The following NIBAN1 variants were observed in gnomAD, a reference collection of about 807,000 sequenced individuals.
The protein encoded by NIBAN1 is niban apoptosis regulator 1, also known as protein Niban 1.
NIBAN1 carries 81 observed loss-of-function variants against 75.1 expected under a neutral mutation model. That is an observed-to-expected ratio of 1.08 (90% CI 0.90 to 1.30). NIBAN1 has a LOEUF of 1.30. NIBAN1 is among the 50% of genes most tolerant of loss of function. NIBAN1 has a pLI of 0.00. For missense variants in NIBAN1, 1,133 were observed against 1,128.1 expected, an observed-to-expected ratio of 1.00 and a Z score of -0.06; for synonymous variants, 436 against 424.8, an observed-to-expected ratio of 1.03 and a Z score of -0.32.
intron 1 of NIBAN1, among the ~76,000 whole-genome samples, chr1:184,900,018 G>A (rs750936723): frequency 6.6e-6 from 1 of 151,902 alleles, no homozygotes; most frequent in Non-Finnish European, 1.5e-5. Context: ...GTTTCTCCAT[G>A]TTGGTCAGGC....
intron 5 of NIBAN1, among the ~76,000 whole-genome samples, chr1:184,874,344 C>A (rs1656181091): frequency 1.3e-5 from 2 of 151,748 alleles, no homozygotes; most frequent in Non-Finnish European, 2.9e-5. Context: ...TGTAAAAAAA[C>A]TAAATGCTCA....
At chr1:184,896,507 G>T (rs1656804648) in intron 2 of NIBAN1, among the ~76,000 whole-genome samples, 1 of 152,000 alleles carries the variant, frequency 6.6e-6, no homozygotes, top group South Asian at 2.1e-4. Context: ...TGTTTATTTT[G>T]TTGACTATTT....
At chr1:184,818,585 A>G in intron 9 of NIBAN1, 53 bp downstream of exon 9, 1 of 1,470,268 alleles carries the variant, frequency 6.8e-7, no homozygotes, top group African/African-American at 1.4e-5. Flanking sequence ...AGCCCCATGG[A>G]AAACACAGCC....
intron 5 of NIBAN1, among the ~76,000 whole-genome samples, chr1:184,874,963 G>A (rs1010532678): frequency 1.6e-4 from 24 of 151,974 alleles, no homozygotes; most frequent in Non-Finnish European, 2.4e-4. Context: ...TTTAAAGGAC[G>A]ATATCATACA....
intron 1 of NIBAN1, among the ~76,000 whole-genome samples, chr1:184,947,990 T>C (rs747067356): frequency 2.0e-4 from 30 of 152,114 alleles, no homozygotes; most frequent in Non-Finnish European, 2.9e-4. Context: ...CCTTAAACTA[T>C]AAGACATACA....
At chr1:184,964,549 G>C (rs1658729846) in intron 1 of NIBAN1, among the ~76,000 whole-genome samples, 1 of 152,190 alleles carries the variant, frequency 6.6e-6, no homozygotes, top group African/African-American at 2.4e-5. Context: ...AACCTTGATT[G>C]CTTCTTCTGT....
chr1:184,921,426 C>T (rs1380681349), intron 1 of NIBAN1, among the ~76,000 whole-genome samples: 1 of 152,118 alleles, frequency 6.6e-6, no homozygotes, highest in Non-Finnish European at 1.5e-5. Flanking sequence ...ACAGAACCAG[C>T]TGAGCAGAGA....
intron 5 of NIBAN1, among the ~76,000 whole-genome samples, chr1:184,879,108 G>T (rs1031073620): frequency 1.2e-4 from 19 of 152,244 alleles, no homozygotes; most frequent in Admixed American, 1.0e-3. Context: ...AATTTTGCTT[G>T]GGATATTCCT....
In NIBAN1 at chr1:184,890,335, T is replaced by C. The variant is rs1420564986; in HGVS notation, c.319-113A>G. 2.3e-5 allele frequency: 17 copies of C among 728,268 alleles called. No homozygotes were observed. The East Asian group carries it at 4.2e-4, about 18-fold the overall frequency. 45.1% of individuals were successfully genotyped at this position (728,268 alleles called of 1,614,324 possible). ...AGACATTCAGAGATAGCAATCCCCA[T>C]ACTATGTTATTGAGTTATAGTCATT... On this transcript the variant is annotated intron_variant, in intron 3 of 13. Coordinates refer to ENST00000367511, the MANE Select transcript of NIBAN1 (RefSeq NM_052966.4).
At chr1:184,877,415 G>A (rs1303145403) in intron 5 of NIBAN1, among the ~76,000 whole-genome samples, 2 of 152,128 alleles carry the variant, frequency 1.3e-5, no homozygotes, top group East Asian at 1.9e-4. Context: ...CAGAGGTAAC[G>A]ATAACGTTCT....
intron 5 of NIBAN1, among the ~76,000 whole-genome samples, chr1:184,877,911 AT>A (rs755903297): frequency 2.6e-3 from 372 of 143,426 alleles, no homozygotes; most frequent in East Asian, 7.0e-3. Context: ...GAACAAAACA[AT>A]TTTTTTTTTT....
chr1:184,865,604 T>TG (rs1312902732), intron 5 of NIBAN1, among the ~76,000 whole-genome samples: 2 of 151,916 alleles, frequency 1.3e-5, no homozygotes, highest in Non-Finnish European at 2.9e-5. Context: ...TAAAACAAGC[T>TG]GAAAAAAAAT....
chr1:184,897,920 C>T (rs1403732542), intron 2 of NIBAN1, among the ~76,000 whole-genome samples: 1 of 152,232 alleles, frequency 6.6e-6, no homozygotes, highest in African/African-American at 2.4e-5. Flanking sequence ...TCAGATGCTA[C>T]AGTATCCTGC....
chr1:184,879,394 G>T (rs1656317271), intron 5 of NIBAN1, among the ~76,000 whole-genome samples: 1 of 152,062 alleles, frequency 6.6e-6, no homozygotes, highest in Non-Finnish European at 1.5e-5. Context: ...ACATAAGCAT[G>T]TGCCACAAAA....
In NIBAN1 at chr1:184,974,298, G is replaced by A; in HGVS notation, c.55+4C>T. ...TCCCCAGGCCCCCGGGCGGGCGGGC[G>A]TACCTCGGATGTAAGCGCACTTGCC... On this transcript the variant is annotated splice_donor_region_variant and intron_variant, in intron 1 of 13. Transcript: ENST00000367511. The A allele has an allele frequency of 3.8e-6, 6 of 1,558,854 alleles. No individual in the cohort carries two copies. The highest frequency in any genetic ancestry group is 1.2e-5 in the South Asian group (1 of 85,380).
intron 8 of NIBAN1, among the ~76,000 whole-genome samples, chr1:184,822,430 A>G (rs1654728661): frequency 1.3e-5 from 2 of 152,220 alleles, no homozygotes; most frequent in South Asian, 4.1e-4. Flanking sequence ...TTGTAGCACA[A>G]AAGCAGCCAC....
intron 9 of NIBAN1, among the ~76,000 whole-genome samples, chr1:184,809,570 A>G (rs1465106): frequency 0.077 from 11,739 of 151,712 alleles, 558 homozygotes; most frequent in African/African-American, 0.13. Context: ...TTAGGAGAAT[A>G]TACTATAGAA....
At chr1:184,948,176 T>C (rs1658277074) in intron 1 of NIBAN1, among the ~76,000 whole-genome samples, 2 of 152,364 alleles carry the variant, frequency 1.3e-5, no homozygotes, top group South Asian at 4.1e-4. Flanking sequence ...GCTTATGAAT[T>C]TGTTTTCAAG....
intron 6 of NIBAN1, among the ~76,000 whole-genome samples, chr1:184,828,338 G>C (rs1487630187): frequency 6.6e-6 from 1 of 152,166 alleles, no homozygotes; most frequent in African/African-American, 2.4e-5. Flanking sequence ...CTAGGGTAGA[G>C]GGGTTCAGGA....
Sources: gnomAD v4.1 joint callset for allele counts (sites outside exome capture counted in the v4.1 genomes callset) on GRCh38, gnomAD v4.1.1 for gene constraint, MANE v1.5 for transcripts, NCBI Gene and HGNC (gene_info 2026-07-23, HGNC 2026-07-21) for gene names.